XPNPEP2: variants seen among roughly 807,000 people sequenced by gnomAD.
XPNPEP2 encodes the protein xaa-Pro aminopeptidase 2.
In XPNPEP2, 64 loss-of-function variants were observed where a neutral mutation model predicts 59.8. The ratio of observed to expected loss-of-function variants is 1.07; its 90% CI spans 0.87 to 1.32. The LOEUF is 1.32. Ranked by LOEUF, XPNPEP2 falls within the 40% of genes most tolerant of loss-of-function variation. The pLI is 0.00. For synonymous variants in XPNPEP2, 235 were observed against 210.0 expected, an observed-to-expected ratio of 1.12 and a Z score of -1.03; for missense variants, 575 against 546.8, an observed-to-expected ratio of 1.05 and a Z score of -0.51.
In XPNPEP2 at chrX:129,752,272, A is replaced by T. The variant is rs1189546429; in HGVS notation, c.944A>T (p.Tyr315Phe). The T allele has an allele frequency of 1.7e-6, 2 of 1,210,349 alleles. No individual in the cohort carries two copies. Among genetic ancestry groups the T allele is most frequent in the Non-Finnish European group, 2.2e-6 (2 of 895,324 alleles). ...YSQVRDSIQAYSLGDVRIWIG... is the reference protein window; with the variant it reads ...YSQVRDSIQAFSLGDVRIWIG... ...CAAGTTCGTGACAGCATCCAGGCCTACTCATTGGGAGATGTGAGGATCTGG... is the reference window on the plus strand; with the variant it reads ...CAAGTTCGTGACAGCATCCAGGCCTTCTCATTGGGAGATGTGAGGATCTGG... Residue 315 changes from tyrosine to phenylalanine, a missense_variant, in exon 10 of 21, where the codon TAC becomes TTC. By Grantham distance (22) the Tyr-to-Phe change is conservative. Transcript: ENST00000371106.
intron 1 of XPNPEP2, among the ~76,000 whole-genome samples, chrX:129,740,397 C>G (rs947815639): frequency 8.9e-6 from 1 of 112,272 alleles, no homozygotes; most frequent in Non-Finnish European, 1.9e-5. Context: ...GAGGCCATGG[C>G]AGGCGGATCA....
chrX:129,767,883 A>G (rs996984847), intron 20 of XPNPEP2, among the ~76,000 whole-genome samples, 191 bp downstream of exon 20: 3 of 111,393 alleles, frequency 2.7e-5, no homozygotes, highest in African/African-American at 6.5e-5. Context: ...CAGTCAGACC[A>G]GCCTGCCCAA....
chrX:129,755,055 G>A (rs1602905230), intron 12 of XPNPEP2, among the ~76,000 whole-genome samples: 1 of 112,125 alleles, frequency 8.9e-6, no homozygotes, highest in Admixed American at 9.4e-5. Flanking sequence ...ACTCCTATCC[G>A]TAAAATGGAG....
At chrX:129,748,502 T>G (rs1926339605) in intron 7 of XPNPEP2, among the ~76,000 whole-genome samples, 1 of 112,001 alleles carries the variant, frequency 8.9e-6, no homozygotes. Context: ...GGATTCCTAG[T>G]AACATTGATC....
In XPNPEP2 at chrX:129,759,206, C is replaced by T. The variant is rs1569477406; in HGVS notation, c.1394C>T (p.Thr465Ile). 2 of 1,210,270 alleles carry T rather than the reference C, an allele frequency of 1.7e-6. No homozygotes were observed. Among genetic ancestry groups the T allele is most frequent in the South Asian group, 1.8e-5 (1 of 56,856 alleles). Reference protein sequence around the residue: ...YWDGTTDITRTVHWGTPSAFQ... With the variant: ...YWDGTTDITRIVHWGTPSAFQ... ...GACGGGACCACAGACATCACCAGAA[C>T]AGTCCACTGGGGCACCCCCTCTGCC... The change falls in exon 15 of 21, where the codon ACA (threonine) becomes ATA (isoleucine). Residue 465 changes from threonine (T) to isoleucine (I), a missense_variant. Transcript: ENST00000371106.
At chrX:129,751,438 G>A (rs1007516290) in intron 8 of XPNPEP2, among the ~76,000 whole-genome samples, 4 of 108,673 alleles carry the variant, frequency 3.7e-5, no homozygotes, top group East Asian at 2.9e-4. Flanking sequence ...AACCTGCGAG[G>A]TGGAGATTGC....
rs913990435 is a variant in XPNPEP2, at chrX:129,756,604, C to T, written c.1367+49C>T. 6 of 1,145,643 alleles carry T rather than the reference C, an allele frequency of 5.2e-6. No homozygotes were observed. In the East Asian group the frequency reaches 9.0e-5, roughly 17 times the overall value. 94.4% of individuals were successfully genotyped at this position (1,145,643 alleles called of 1,213,427 possible). A position where few individuals can be genotyped will look rare whatever the true frequency, so the allele number is the denominator to read the frequency against. On this transcript the variant is annotated intron_variant, in intron 14 of 20. Transcript: ENST00000371106. ...GCCTGGATGTCTCTGCTCAGACCTC[C>T]TGAGCCTGCCAAGAGTCAGCCAAAG...
chrX:129,757,799 GA>G (rs1184956451), intron 14 of XPNPEP2, among the ~76,000 whole-genome samples: 3 of 42,739 alleles, frequency 7.0e-5, no homozygotes, highest in African/African-American at 2.4e-4. Flanking sequence ...ATAAAAGGAA[GA>G]AAGAAAGAAA....
chrX:129,757,019 T>C (rs867621797), intron 14 of XPNPEP2, among the ~76,000 whole-genome samples: 7 of 91,383 alleles, frequency 7.7e-5, no homozygotes, highest in Non-Finnish European at 1.2e-4. Flanking sequence ...TATATATATA[T>C]ATATACACAC....
intron 19 of XPNPEP2, among the ~76,000 whole-genome samples, chrX:129,765,794 C>T (rs778922254): frequency 1.8e-4 from 20 of 109,900 alleles, no homozygotes; most frequent in East Asian, 2.8e-4. Context: ...CACACCACCA[C>T]GACTGGCTAA....
chrX:129,746,106 T>C (rs990903684), intron 4 of XPNPEP2, 130 bp from the exon 5 acceptor site: 2 of 529,066 alleles, frequency 3.8e-6, no homozygotes, highest in Non-Finnish European at 6.2e-6. Flanking sequence ...TTCTTTCCAA[T>C]GGAGGAGAGA....
chrX:129,746,417 C>A, intron 5 of XPNPEP2, 77 bp downstream of exon 5: 1 of 1,000,275 alleles, frequency 1.0e-6, no homozygotes, highest in African/African-American at 1.9e-5. Flanking sequence ...TGAGAGCGTG[C>A]ATGTAAGACC....
chrX:129,751,542 GAAAGA>G (rs1926400029), intron 8 of XPNPEP2, among the ~76,000 whole-genome samples, 198 bp from the exon 9 acceptor site: 2 of 28,624 alleles, frequency 7.0e-5, no homozygotes, highest in Non-Finnish European at 1.3e-4. Context: ...AAGGAAGAAA[GAAAGA>G]AAGAAAGAAA....
At chrX:129,767,925 G>T (rs746424692) in intron 20 of XPNPEP2, among the ~76,000 whole-genome samples, 2 of 111,864 alleles carry the variant, frequency 1.8e-5, no homozygotes, top group South Asian at 7.5e-4. Context: ...AGGAATCTGA[G>T]ATTGGGCCTC....
chrX:129,768,719 G>A lies in XPNPEP2; in HGVS notation c.*234G>A, dbSNP rs1378744049. 1 of 294,722 alleles carries A rather than the reference G, an allele frequency of 3.4e-6. No homozygotes were observed. The highest frequency in any genetic ancestry group is 5.9e-6 in the Non-Finnish European group (1 of 170,056). 24.3% of individuals were successfully genotyped at this position (294,722 alleles called of 1,213,427 possible). ...CCCCGGGGTTGTATACCACACCCTGGGCCCCTAATCCCAGGCCCCGAGATA... is the reference window on the plus strand; with the variant it reads ...CCCCGGGGTTGTATACCACACCCTGAGCCCCTAATCCCAGGCCCCGAGATA... On this transcript the variant is annotated 3_prime_UTR_variant, in exon 21 of 21. Coordinates refer to ENST00000371106, the MANE Select transcript of XPNPEP2 (RefSeq NM_003399.6).
chrX:129,760,597 C>A lies in XPNPEP2; in HGVS notation c.1498+16C>A, dbSNP rs1277442954. Reference sequence around the variant, plus strand: ...GCTACATCAGGTGGGTTTCAGAAACCAGTCTGGACACAGCCTCAGGCCCTG... The same window carrying A: ...GCTACATCAGGTGGGTTTCAGAAACAAGTCTGGACACAGCCTCAGGCCCTG... On this transcript the variant is annotated intron_variant, in intron 16 of 20. Transcript: ENST00000371106. 8 of 1,206,054 alleles carry A rather than the reference C, an allele frequency of 6.6e-6. 1 individual carries two copies. The South Asian group carries it at 1.2e-4, about 19-fold the overall frequency.
chrX:129,743,867 G>C (rs963589481), intron 2 of XPNPEP2, 94 bp from the exon 3 acceptor site: 2 of 788,631 alleles, frequency 2.5e-6, no homozygotes, highest in South Asian at 4.7e-5. Context: ...GAGGCTGGGG[G>C]CTCTTCTGGA....
intron 1 of XPNPEP2, among the ~76,000 whole-genome samples, 158 bp from the exon 2 acceptor site, chrX:129,741,950 C>T (rs1926190094): frequency 8.9e-6 from 1 of 112,150 alleles, no homozygotes; most frequent in African/African-American, 3.2e-5. Context: ...AGCCTGATTT[C>T]CTATGAAATG....
Position 129,762,715 on chromosome X carries a change from G to A in XPNPEP2, c.1685G>A (p.Gly562Glu), listed in dbSNP as rs771332355. 2.1e-5 allele frequency: 26 copies of A among 1,210,322 alleles called. No homozygotes were observed. The highest frequency in any genetic ancestry group is 2.1e-5 in the Non-Finnish European group (19 of 895,253). The change falls in exon 19 of 21, where the codon GGA (glycine) becomes GAA (glutamate). Residue 562 changes from glycine (G) to glutamate (E), a missense_variant. Gly to Glu is a moderately conservative substitution (Grantham distance 98). Coordinates refer to ENST00000371106, the MANE Select transcript of XPNPEP2 (RefSeq NM_003399.6). Reference protein sequence around the residue: ...TSIEPGYYKDGEFGIRLEDVA... With the variant: ...TSIEPGYYKDEEFGIRLEDVA... ...CCAGAACCTGGTTACTATAAGGATG[G>A]AGAATTTGGGATCCGTCTCGAAGAT...
Sources: gnomAD v4.1 joint callset for allele counts (sites outside exome capture counted in the v4.1 genomes callset) on GRCh38, gnomAD v4.1.1 for gene constraint, MANE v1.5 for transcripts, NCBI Gene and HGNC (gene_info 2026-07-23, HGNC 2026-07-21) for gene names.